The following CASP8 variants were observed in gnomAD, a reference collection of about 807,000 sequenced individuals.
CASP8 encodes the protein caspase 8, also known as caspase-8.
In CASP8, 24 loss-of-function variants were observed where a neutral mutation model predicts 46.3. That is an observed-to-expected ratio of 0.52 (90% CI 0.38 to 0.73). CASP8 has a LOEUF of 0.73. CASP8 is among the 30% of genes least tolerant of loss of function. CASP8 has a pLI of 0.00. For missense variants in CASP8, 460 were observed against 559.0 expected, an observed-to-expected ratio of 0.82 and a Z score of 1.79; for synonymous variants, 188 against 200.4, an observed-to-expected ratio of 0.94 and a Z score of 0.52.
At chr2:201,262,028 G>C (rs1947453901) in intron 1 of CASP8, 1 of 152,118 alleles carries the variant, frequency 6.6e-6, no homozygotes, top group South Asian at 2.1e-4. Context: ...TTCTGTTTTT[G>C]TGGCTTTGTT....
At chr2:201,283,472 G>A (rs1576379200) in intron 7 of CASP8, among the ~76,000 whole-genome samples, 2 of 82,836 alleles carry the variant, frequency 2.4e-5, no homozygotes, top group South Asian at 1.4e-3. Flanking sequence ...CCTGGACGGG[G>A]CGACTGGCCG....
chr2:201,286,408 A>G, intron 8 of CASP8, 51 bp from the exon 9 acceptor site: 1 of 1,594,620 alleles, frequency 6.3e-7, no homozygotes, highest in Non-Finnish European at 8.6e-7. Context: ...GAGACAGTTC[A>G]TCAGTTGCTT....
At chr2:201,277,316 T>C (rs13424920) in intron 7 of CASP8, among the ~76,000 whole-genome samples, 7,090 of 152,294 alleles carry the variant, frequency 0.047, 216 homozygotes, top group Middle Eastern at 0.082. Context: ...TCAAAGTTCT[T>C]ATAGAGGCTG....
At position 201,276,931 on chromosome 2, in the gene CASP8, C is replaced by G. The variant is rs2125320896; in HGVS notation, c.765C>G (p.His255Gln). 3 of 1,613,828 alleles carry G rather than the reference C, an allele frequency of 1.9e-6. No homozygotes were observed. The highest frequency in any genetic ancestry group is 4.5e-5 in the East Asian group (2 of 44,892). Residue 255 changes from histidine to glutamine, a missense_variant, in exon 7 of 9, where the codon CAC (histidine) becomes CAG (glutamine). Coordinates refer to ENST00000673742, the MANE Select transcript of CASP8 (RefSeq NM_001372051.1). ...CACGGGAGAAAGTGCCCAAACTTCA[C>G]AGCATTAGGGACAGGAATGGAACAC... ...AKAREKVPKL[H>Q]SIRDRNGTHL...
intron 1 of CASP8, among the ~76,000 whole-genome samples, chr2:201,265,891 C>T (rs1947782026): frequency 6.6e-6 from 1 of 152,164 alleles, no homozygotes; most frequent in Non-Finnish European, 1.5e-5. Flanking sequence ...AAGCCCTTCT[C>T]CCAGGCTAAG....
chr2:201,239,422 G>A (rs6754358), intron 2 of CASP8, among the ~76,000 whole-genome samples: 8,684 of 152,252 alleles, frequency 0.057, 796 homozygotes, highest in African/African-American at 0.2. Flanking sequence ...CCTCCCGGAC[G>A]GGGCGGCTTC....
chr2:201,253,954 A>G (rs919157427), intron 2 of CASP8, among the ~76,000 whole-genome samples: 16 of 151,864 alleles, frequency 1.1e-4, no homozygotes, highest in African/African-American at 2.2e-4. Context: ...GGTGGCACAC[A>G]CCTGTAATCC....
chr2:201,271,343 G>C (rs954349304), intron 2 of CASP8, among the ~76,000 whole-genome samples, 173 bp from the exon 3 acceptor site: 4 of 152,180 alleles, frequency 2.6e-5, no homozygotes, highest in African/African-American at 9.7e-5. Flanking sequence ...GGAGCCAGTA[G>C]ACTTCTGTGT....
Position 201,272,766 on chromosome 2 carries a change from A to T in CASP8, c.540A>T (p.Glu180Asp). ...SLLKIINDYEEFSKERSSSLE... is the reference protein window; with the variant it reads ...SLLKIINDYEDFSKERSSSLE... ...TGAAGATAATCAACGACTATGAAGAATTCAGCAAAGGTAGAAACAACCTGA... is the reference window on the plus strand; with the variant it reads ...TGAAGATAATCAACGACTATGAAGATTTCAGCAAAGGTAGAAACAACCTGA... The change falls in exon 4 of 9, where the codon GAA becomes GAT. Residue 180 changes from glutamate (E) to aspartate (D), a missense_variant. Physicochemically the swap from Glu to Asp is conservative, Grantham distance 45. Coordinates refer to ENST00000673742, the MANE Select transcript of CASP8 (RefSeq NM_001372051.1). This position sits in a 1 kb window ranked among gnomAD's most constrained non-coding sequence, Gnocchi z 4.4. 3.1e-6 allele frequency: 5 copies of T among 1,614,200 alleles called. No homozygotes were observed.
chr2:201,269,468 A>G (rs1559353950), intron 2 of CASP8: 1 of 1,403,862 alleles, frequency 7.1e-7, no homozygotes, highest in Admixed American at 1.8e-5. Context: ...AGGAAAGCCG[A>G]GGGGGGTCTC....
chr2:201,277,080 G>T (rs1035359199), intron 7 of CASP8, 112 bp downstream of exon 7: 17 of 764,422 alleles, frequency 2.2e-5, no homozygotes, highest in Admixed American at 1.1e-4. Context: ...CAAGAAAATG[G>T]ATTTAAACAT....
upstream of CASP8, chr2:201,258,007 T>C: frequency 1.8e-6 from 1 of 541,232 alleles, no homozygotes; most frequent in East Asian, 3.4e-5. Flanking sequence ...ATCTGTTCCT[T>C]TAAACAGGAA....
upstream of CASP8, among the ~76,000 whole-genome samples, chr2:201,257,341 G>C (rs552467904): frequency 1.3e-4 from 19 of 151,930 alleles, no homozygotes; most frequent in East Asian, 3.3e-3. Context: ...AATTAGCCGG[G>C]GGTGGTGGTG....
chr2:201,246,083 C>T (rs576518175), intron 2 of CASP8, among the ~76,000 whole-genome samples: 1 of 152,180 alleles, frequency 6.6e-6, no homozygotes, highest in East Asian at 1.9e-4. Flanking sequence ...AGGCTGGTCT[C>T]GAACTCCCAA....
intron 7 of CASP8, among the ~76,000 whole-genome samples, chr2:201,278,650 C>T (rs1329510627): frequency 1.3e-5 from 2 of 152,178 alleles, no homozygotes; most frequent in East Asian, 3.9e-4. Context: ...GATTCTCCTG[C>T]CTCAGCCTCC....
chr2:201,237,973 A>G (rs1407256393), intron 2 of CASP8, among the ~76,000 whole-genome samples: 1 of 152,222 alleles, frequency 6.6e-6, no homozygotes, highest in African/African-American at 2.4e-5. Context: ...CCTCTTGGCA[A>G]ATGGAGAGCA....
upstream of CASP8, chr2:201,258,343 G>C: frequency 6.2e-7 from 1 of 1,614,006 alleles, no homozygotes; most frequent in Non-Finnish European, 8.5e-7. Context: ...CAGGTTAGGG[G>C]ACTCGGAGAC....
chr2:201,242,463 T>G (rs886406415), intron 2 of CASP8: 2 of 152,166 alleles, frequency 1.3e-5, no homozygotes, highest in African/African-American at 4.8e-5. Context: ...CGCTCTGGGA[T>G]TTCTTTTATA....
chr2:201,240,774 T>A (rs1161134156), intron 2 of CASP8: 2 of 152,194 alleles, frequency 1.3e-5, no homozygotes, highest in Admixed American at 1.3e-4. Flanking sequence ...AGATCACAAG[T>A]TGGGTCACAA....
Sources: allele counts gnomAD v4.1 joint callset (sites outside exome capture counted in the v4.1 genomes callset), GRCh38; gene constraint gnomAD v4.1.1; non-coding constraint Gnocchi (gnomAD v3.1); transcripts MANE v1.5; gene names NCBI Gene and HGNC (gene_info 2026-07-23, HGNC 2026-07-21).